The following COL14A1 variants were observed in gnomAD, a reference collection of about 807,000 sequenced individuals.
COL14A1 encodes the protein collagen type XIV alpha 1 chain, also known as collagen alpha-1(XIV) chain.
A neutral mutation model predicts 230.3 loss-of-function variants in COL14A1; 136 were observed. That is an observed-to-expected ratio of 0.59 (90% confidence interval 0.51 to 0.68). The LOEUF is 0.68. Ranked by LOEUF, COL14A1 falls within the 30% of genes least tolerant of loss-of-function variation. The probability of loss-of-function intolerance (pLI) is 0.00; values close to 1 mark genes in which losing one functional copy is unlikely to be tolerated. For missense variants in COL14A1, 1,976 were observed against 2,215.8 expected, an observed-to-expected ratio of 0.89 and a Z score of 2.17; for synonymous variants, 792 against 784.1, an observed-to-expected ratio of 1.01 and a Z score of -0.17.
intron 21 of COL14A1, among the ~76,000 whole-genome samples, chr8:120,249,482 G>A (rs753646083): frequency 1.2e-4 from 19 of 152,152 alleles, no homozygotes; most frequent in Non-Finnish European, 2.5e-4. Context: ...GGAAGCATGC[G>A]TTAATTTGTA....
At chr8:120,315,920 C>G in intron 39 of COL14A1, 24 bp from the exon 40 acceptor site, 1 of 1,612,816 alleles carries the variant, frequency 6.2e-7, no homozygotes, top group Non-Finnish European at 8.5e-7. Flanking sequence ...GAACCTGACT[C>G]TTTTTTGTCC....
intron 45 of COL14A1, among the ~76,000 whole-genome samples, chr8:120,352,000 G>C (rs1822801165): frequency 1.1e-5 from 1 of 88,274 alleles, no homozygotes; most frequent in Admixed American, 1.2e-4. Flanking sequence ...TAAAATACTG[G>C]CAAAACGAAT....
At chr8:120,357,345 T>C (rs550876415) in intron 45 of COL14A1, among the ~76,000 whole-genome samples, 4 of 152,264 alleles carry the variant, frequency 2.6e-5, no homozygotes, top group African/African-American at 7.2e-5. Flanking sequence ...TTCCTCACTG[T>C]GGAGCTCTTC....
intron 28 of COL14A1, 62 bp downstream of exon 28, chr8:120,278,640 C>G (rs1819933094): frequency 6.7e-7 from 1 of 1,503,492 alleles, no homozygotes; most frequent in Admixed American, 1.8e-5. Flanking sequence ...TTTCTAAATA[C>G]AAATTTATAG....
intron 5 of COL14A1, among the ~76,000 whole-genome samples, chr8:120,192,029 C>T (rs978184257): frequency 6.6e-6 from 1 of 151,410 alleles, no homozygotes; most frequent in African/African-American, 2.4e-5. Context: ...TTAATTGGAG[C>T]ATTTAGTCCA....
intron 21 of COL14A1, among the ~76,000 whole-genome samples, chr8:120,249,334 CCA>C (rs1490970264): frequency 6.6e-6 from 1 of 151,968 alleles, no homozygotes; most frequent in Non-Finnish European, 1.5e-5. Flanking sequence ...TCAAATACTC[CCA>C]CCTCCAATTT....
At chr8:120,304,518 TA>T (rs1265903355) in intron 36 of COL14A1, among the ~76,000 whole-genome samples, 1 of 152,230 alleles carries the variant, frequency 6.6e-6, no homozygotes, top group African/African-American at 2.4e-5. Context: ...GAGATTATGT[TA>T]AAATGTTCAA....
intron 4 of COL14A1, among the ~76,000 whole-genome samples, chr8:120,165,180 T>G (rs1192579817): frequency 6.6e-6 from 1 of 152,230 alleles, no homozygotes; most frequent in Non-Finnish European, 1.5e-5. Flanking sequence ...TTCTTTTCCC[T>G]TTTGCATTTC....
intron 12 of COL14A1, 108 bp from the exon 13 acceptor site, chr8:120,212,340 C>T: frequency 1.8e-6 from 2 of 1,081,702 alleles, no homozygotes; most frequent in Non-Finnish European, 2.6e-6. Flanking sequence ...GGGGTTGTAA[C>T]AGGACGTAAA....
At chr8:120,192,185 GGTTGTTCCTTTCCAT>G in intron 5 of COL14A1, among the ~76,000 whole-genome samples, 1 of 152,106 alleles carries the variant, frequency 6.6e-6, no homozygotes, top group South Asian at 2.1e-4. Context: ...GGCTGGTACC[GGTTGTTCCTTTCCAT>G]GTTTATTGCT....
chr8:120,341,128 G>C (rs1007995185), intron 42 of COL14A1, among the ~76,000 whole-genome samples, 197 bp from the exon 43 acceptor site: 1 of 152,186 alleles, frequency 6.6e-6, no homozygotes, highest in Non-Finnish European at 1.5e-5. Context: ...AGCTGAAAGG[G>C]TAGAATGCTT....
At position 120,142,848 on chromosome 8, in the gene COL14A1, T is replaced by C. The variant is rs1474476439; in HGVS notation, c.-37-4958T>C. Among the ~76,000 whole-genome samples, 5 of 152,180 alleles carry C rather than the reference T, an allele frequency of 3.3e-5. No individual in the cohort carries two copies. The South Asian group carries it at 1.0e-3, about 32-fold the overall frequency. ...GATTGGATATTTAAAAAAAGCTTAG[T>C]TGTCAAAAATTTTTTTATGAATGGT... On this transcript the variant is annotated intron_variant, in intron 1 of 47. Transcript: ENST00000297848.
chr8:120,310,177 T>C, intron 37 of COL14A1, 115 bp downstream of exon 37: 1 of 1,053,604 alleles, frequency 9.5e-7, no homozygotes, highest in South Asian at 1.7e-5. Flanking sequence ...AAGTTCCTTA[T>C]AGTTTTATGA....
At chr8:120,309,917 A>T in intron 36 of COL14A1, 92 bp from the exon 37 acceptor site, 1 of 1,235,702 alleles carries the variant, frequency 8.1e-7, no homozygotes, top group South Asian at 1.3e-5. Context: ...ACATAAAATA[A>T]TAATGAGTTA....
At chr8:120,178,181 C>T (rs754965660) in intron 5 of COL14A1, among the ~76,000 whole-genome samples, 10 of 152,038 alleles carry the variant, frequency 6.6e-5, no homozygotes, top group Non-Finnish European at 1.5e-4. Context: ...GTTTGCTGCA[C>T]CCATCATCTG....
At chr8:120,164,934 G>GAGTCAT (rs1240627271) in intron 4 of COL14A1, among the ~76,000 whole-genome samples, 2 of 152,200 alleles carry the variant, frequency 1.3e-5, no homozygotes, top group African/African-American at 4.8e-5. Context: ...GAAACACAGA[G>GAGTCAT]AGTCATATAA....
At chr8:120,367,288 T>C (rs1392567321) in intron 46 of COL14A1, 40 bp downstream of exon 46, 1 of 1,508,708 alleles carries the variant, frequency 6.6e-7, no homozygotes, top group Non-Finnish European at 9.1e-7. Context: ...AAATGTATAT[T>C]TTTATATTCA....
chr8:120,306,970 T>C (rs1820874897), intron 36 of COL14A1, among the ~76,000 whole-genome samples: 1 of 152,160 alleles, frequency 6.6e-6, no homozygotes. Context: ...AACAGAAAAT[T>C]TAGCTAACAC....
chr8:120,129,366 C>T lies in COL14A1; in HGVS notation c.-38+4026C>T, dbSNP rs372247978. Among the ~76,000 whole-genome samples, 27 of 152,142 alleles carry T rather than the reference C, an allele frequency of 1.8e-4. No individual in the cohort carries two copies. The East Asian group carries it at 2.7e-3, about 15-fold the overall frequency. Reference sequence around the variant, plus strand: ...TACATTGTAGTTAAAAACAGTCTCCCATTTCTTTGACAGATGAACTATGTC... The same window carrying T: ...TACATTGTAGTTAAAAACAGTCTCCTATTTCTTTGACAGATGAACTATGTC... On this transcript the variant is annotated intron_variant, in intron 1 of 47. Transcript: ENST00000297848.
Sources: gnomAD v4.1 joint callset for allele counts (sites outside exome capture counted in the v4.1 genomes callset) on GRCh38, gnomAD v4.1.1 for gene constraint, MANE v1.5 for transcripts, NCBI Gene and HGNC (gene_info 2026-07-23, HGNC 2026-07-21) for gene names.